Variants in NAALADL2 observed in about 807,000 individuals in gnomAD.
NAALADL2 encodes inactive N-acetylated-alpha-linked acidic dipeptidase-like protein 2.
Under a neutral mutation model 87.2 loss-of-function variants are expected in NAALADL2, and 76 were observed. The ratio of observed to expected loss-of-function variants is 0.87; its 90% CI spans 0.72 to 1.05. The LOEUF is 1.05. NAALADL2 is among the 50% of genes least tolerant of loss of function. The probability of loss-of-function intolerance (pLI) is 0.00; values close to 1 mark genes in which losing one functional copy is unlikely to be tolerated. For synonymous variants in NAALADL2, 354 were observed against 331.0 expected (o/e 1.07, Z -0.75); for missense variants, 1,089 against 945.8 (o/e 1.15, Z -1.99).
intron 6 of NAALADL2, among the ~76,000 whole-genome samples, chr3:175,457,761 G>T (rs1722537863): frequency 6.6e-6 from 1 of 150,744 alleles, no homozygotes; most frequent in African/African-American, 2.4e-5. Context: ...GGCCTCAAGG[G>T]ATCCTCCCAA....
chr3:175,505,613 G>A (rs541912998), intron 9 of NAALADL2, among the ~76,000 whole-genome samples: 1 of 152,124 alleles, frequency 6.6e-6, no homozygotes, highest in South Asian at 2.1e-4. Flanking sequence ...CTGAGGATTT[G>A]AATTCAGAAG....
intron 11 of NAALADL2, among the ~76,000 whole-genome samples, chr3:175,646,674 G>C (rs1199034201): frequency 6.6e-6 from 1 of 152,058 alleles, no homozygotes; most frequent in African/African-American, 2.4e-5. Flanking sequence ...TTTTTGGCTA[G>C]AATACAACAT....
At chr3:174,894,069 T>G (rs1375409557) in intron 1 of NAALADL2, among the ~76,000 whole-genome samples, 1 of 152,104 alleles carries the variant, frequency 6.6e-6, no homozygotes, top group Non-Finnish European at 1.5e-5. Context: ...TTAGAGAAAT[T>G]AGATTTTAAG....
intron 2 of NAALADL2, among the ~76,000 whole-genome samples, chr3:174,617,742 G>A (rs1488641456): frequency 2.6e-5 from 4 of 151,768 alleles, no homozygotes; most frequent in Non-Finnish European, 5.9e-5. Flanking sequence ...TGCTGATTTA[G>A]CAGGTGCAAG....
intron 3 of NAALADL2, among the ~76,000 whole-genome samples, chr3:175,248,080 G>A (rs1353647282): frequency 1.3e-5 from 2 of 152,144 alleles, no homozygotes; most frequent in African/African-American, 2.4e-5. Context: ...GCCTTCTCTA[G>A]TATACCTGCT....
chr3:175,303,840 T>C (rs1222261731), intron 4 of NAALADL2, among the ~76,000 whole-genome samples: 3 of 152,190 alleles, frequency 2.0e-5, no homozygotes, highest in African/African-American at 7.2e-5. Context: ...TTTCACAATT[T>C]ACCAATTGCC....
intron 1 of NAALADL2, among the ~76,000 whole-genome samples, chr3:174,872,429 T>C (rs747686436): frequency 9.2e-5 from 14 of 152,160 alleles, no homozygotes; most frequent in Non-Finnish European, 2.1e-4. Context: ...ATAATGATGG[T>C]TTACTTGAAT....
intron 3 of NAALADL2, among the ~76,000 whole-genome samples, chr3:174,799,474 C>G (rs963883486): frequency 6.6e-6 from 1 of 152,138 alleles, no homozygotes; most frequent in African/African-American, 2.4e-5. Context: ...CACAAGCTCT[C>G]TGTTTGCCTG....
chr3:174,981,691 C>G lies in NAALADL2; in HGVS notation c.44-115099C>G, dbSNP rs139915679. 1.4e-3 allele frequency among the ~76,000 whole-genome samples: 209 copies of G among 152,224 alleles called. 1 individual carries two copies. The highest frequency in any genetic ancestry group is 4.8e-3 in the African/African-American group (198 of 41,542). On this transcript the variant is annotated intron_variant, in intron 1 of 13. Coordinates refer to ENST00000454872, the MANE Select transcript of NAALADL2 (RefSeq NM_207015.3). ...TCATGATAAAAAAACCCCAAAATGA[C>G]CATGACTTAAAATATTTTTTTTCTT... is the stretch of plus-strand genomic sequence containing the variant.
chr3:174,987,140 T>C (rs1367180761), intron 1 of NAALADL2, among the ~76,000 whole-genome samples: 1 of 152,166 alleles, frequency 6.6e-6, no homozygotes, highest in Non-Finnish European at 1.5e-5. Context: ...GCAATGTAAG[T>C]GCTGAAATTT....
intron 11 of NAALADL2, among the ~76,000 whole-genome samples, chr3:175,650,897 T>C (rs1432285964): frequency 9.9e-5 from 15 of 152,198 alleles, no homozygotes; most frequent in Admixed American, 9.8e-4. Flanking sequence ...ACTCAGCAAA[T>C]CTTGGATTCA....
intron 1 of NAALADL2, among the ~76,000 whole-genome samples, chr3:174,861,492 C>A (rs938811732): frequency 6.6e-6 from 1 of 152,034 alleles, no homozygotes; most frequent in Non-Finnish European, 1.5e-5. Context: ...ATAAAAAATT[C>A]TGAGGTTCTT....
chr3:174,528,951 C>T (rs950240671), intron 1 of NAALADL2, among the ~76,000 whole-genome samples: 2 of 152,134 alleles, frequency 1.3e-5, no homozygotes, highest in Admixed American at 1.3e-4. Flanking sequence ...CATTCTGCCC[C>T]TGGCCCCTCA....
chr3:174,887,841 T>G (rs1440732510), intron 1 of NAALADL2, among the ~76,000 whole-genome samples: 1 of 151,644 alleles, frequency 6.6e-6, no homozygotes, highest in Non-Finnish European at 1.5e-5. Context: ...TTTTTACATG[T>G]GGATATAGTG....
chr3:175,513,877 T>C (rs561893164), intron 9 of NAALADL2, among the ~76,000 whole-genome samples: 4 of 152,186 alleles, frequency 2.6e-5, no homozygotes, highest in Non-Finnish European at 5.9e-5. Context: ...CTATAATAGG[T>C]GGTCAGGCAG....
At chr3:174,959,761 A>G (rs1387053804) in intron 1 of NAALADL2, among the ~76,000 whole-genome samples, 2 of 152,098 alleles carry the variant, frequency 1.3e-5, no homozygotes, top group South Asian at 2.1e-4. Context: ...CTTTTATCCA[A>G]GTGACTTAAC....
chr3:175,794,294 T>C (rs529201823), intron 13 of NAALADL2, among the ~76,000 whole-genome samples: 15 of 152,108 alleles, frequency 9.9e-5, no homozygotes, highest in Non-Finnish European at 7.4e-5. Flanking sequence ...TATCTAAATA[T>C]TGAGTTTGAG....
At chr3:175,294,881 C>T (rs1025270753) in intron 4 of NAALADL2, among the ~76,000 whole-genome samples, 9 of 152,104 alleles carry the variant, frequency 5.9e-5, no homozygotes, top group African/African-American at 1.9e-4. Flanking sequence ...GCATGTGAGT[C>T]GCTATAGTGC....
chr3:175,594,727 T>C lies in NAALADL2; in HGVS notation c.1800+18540T>C, dbSNP rs192377114. On this transcript the variant is annotated intron_variant, in intron 10 of 13. Coordinates refer to ENST00000454872, the MANE Select transcript of NAALADL2 (RefSeq NM_207015.3). Reference sequence around the variant, plus strand: ...TGGTGTGAGATGGCATCTCACTGTGTTTTTGATTTGCATTTCTCTGATGAT... The same window carrying C: ...TGGTGTGAGATGGCATCTCACTGTGCTTTTGATTTGCATTTCTCTGATGAT... 6.0e-3 allele frequency among the ~76,000 whole-genome samples: 912 copies of C among 152,166 alleles called. 5 individuals carry two copies. The highest frequency in any genetic ancestry group is 0.021 in the African/African-American group (858 of 41,530).
Sources: allele counts gnomAD v4.1 joint callset (sites outside exome capture counted in the v4.1 genomes callset), GRCh38; gene constraint gnomAD v4.1.1; transcripts MANE v1.5; gene names NCBI Gene and HGNC (gene_info 2026-07-23, HGNC 2026-07-21).